Variants in EXOC4 observed in about 807,000 individuals in gnomAD.
EXOC4 encodes the protein exocyst complex component 4.
In EXOC4, 71 loss-of-function variants were observed where a neutral mutation model predicts 107.2. That is an observed-to-expected ratio of 0.66 (90% CI 0.55 to 0.81). The LOEUF (loss-of-function observed/expected upper bound fraction) is 0.81. Among genes scored for constraint, EXOC4 ranks in the 30% least tolerant of loss-of-function variants. The pLI is 0.00. For missense variants in EXOC4, 1,108 were observed against 1,189.6 expected, an observed-to-expected ratio of 0.93 and a Z score of 1.01; for synonymous variants, 456 against 441.2, an observed-to-expected ratio of 1.03 and a Z score of -0.42.
chr7:133,729,906 C>G (rs1279557711), intron 10 of EXOC4, among the ~76,000 whole-genome samples: 2 of 151,712 alleles, frequency 1.3e-5, no homozygotes, highest in Non-Finnish European at 2.9e-5. Flanking sequence ...GTCTCTTGGT[C>G]AAAGGTATAC....
intron 3 of EXOC4, among the ~76,000 whole-genome samples, chr7:133,290,644 AT>A (rs1794383417): frequency 6.6e-6 from 1 of 152,204 alleles, no homozygotes; most frequent in Non-Finnish European, 1.5e-5. Context: ...TTATGTTCAT[AT>A]TAGGATTTCA....
At chr7:133,487,817 A>G (rs1024249969) in intron 9 of EXOC4, among the ~76,000 whole-genome samples, 9 of 152,208 alleles carry the variant, frequency 5.9e-5, no homozygotes, top group Non-Finnish European at 1.3e-4. Context: ...GTTAACTTAT[A>G]TCTCATATTT....
At chr7:133,258,091 CTT>C (rs1005278077) in intron 1 of EXOC4, among the ~76,000 whole-genome samples, 2 of 152,196 alleles carry the variant, frequency 1.3e-5, no homozygotes, top group African/African-American at 4.8e-5. Context: ...TTCTAGCTCT[CTT>C]TGTACCCTGG....
chr7:134,022,744 T>C (rs1360058562), intron 17 of EXOC4, among the ~76,000 whole-genome samples: 1 of 152,190 alleles, frequency 6.6e-6, no homozygotes, highest in African/African-American at 2.4e-5. Flanking sequence ...CCAGACAGAA[T>C]AGTGAGGCCT....
chr7:133,756,605 A>G (rs937243462), intron 10 of EXOC4, among the ~76,000 whole-genome samples: 14 of 152,208 alleles, frequency 9.2e-5, no homozygotes, highest in Admixed American at 5.9e-4. Flanking sequence ...GCCACTCTGC[A>G]CAAACACATA....
At chr7:133,985,235 T>C (rs1469898333) in intron 14 of EXOC4, among the ~76,000 whole-genome samples, 1 of 152,184 alleles carries the variant, frequency 6.6e-6, no homozygotes, top group Non-Finnish European at 1.5e-5. Context: ...TAACAAATGG[T>C]ACCGCATAAA....
At chr7:133,600,211 G>T (rs1394542254) in intron 9 of EXOC4, among the ~76,000 whole-genome samples, 1 of 152,086 alleles carries the variant, frequency 6.6e-6, no homozygotes, top group Non-Finnish European at 1.5e-5. Flanking sequence ...GACTTTTGAG[G>T]TCTTTGAATG....
intron 9 of EXOC4, among the ~76,000 whole-genome samples, chr7:133,587,107 T>G (rs1801423923): frequency 6.6e-6 from 1 of 152,152 alleles, no homozygotes; most frequent in South Asian, 2.1e-4. Context: ...GTGCTGGGAT[T>G]ACAGCAGTGA....
At chr7:133,985,365 A>G (rs750829283) in intron 14 of EXOC4, among the ~76,000 whole-genome samples, 7 of 152,200 alleles carry the variant, frequency 4.6e-5, no homozygotes, top group Admixed American at 1.3e-4. Flanking sequence ...GGCCACAGGT[A>G]AAATCACTCT....
intron 12 of EXOC4, among the ~76,000 whole-genome samples, chr7:133,904,177 G>A (rs555354542): frequency 2.2e-4 from 34 of 152,228 alleles, no homozygotes; most frequent in African/African-American, 7.5e-4. Flanking sequence ...TTTTTAAGTC[G>A]AAGAAATAAG....
intron 10 of EXOC4, among the ~76,000 whole-genome samples, chr7:133,758,321 T>C (rs961047108): frequency 6.6e-6 from 1 of 152,102 alleles, no homozygotes; most frequent in Non-Finnish European, 1.5e-5. Flanking sequence ...GTATTTTTAA[T>C]AGAGATGGGG....
chr7:133,285,366 T>C, intron 2 of EXOC4, among the ~76,000 whole-genome samples: 1 of 152,220 alleles, frequency 6.6e-6, no homozygotes. Flanking sequence ...TGCTGAGATA[T>C]GGTGCATATA....
At chr7:133,809,664 C>T (rs949871616) in intron 10 of EXOC4, among the ~76,000 whole-genome samples, 3 of 152,144 alleles carry the variant, frequency 2.0e-5, no homozygotes, top group African/African-American at 7.2e-5. Flanking sequence ...ATTCCAAGAC[C>T]TCCCAAATAT....
intron 10 of EXOC4, among the ~76,000 whole-genome samples, chr7:133,651,170 C>T (rs1187327073): frequency 6.6e-6 from 1 of 152,090 alleles, no homozygotes; most frequent in Non-Finnish European, 1.5e-5. Flanking sequence ...TTTCTACTCA[C>T]TCCCAGCATT....
At chr7:133,902,833 G>A (rs1250604356) in intron 12 of EXOC4, among the ~76,000 whole-genome samples, 2 of 150,042 alleles carry the variant, frequency 1.3e-5, no homozygotes, top group Admixed American at 6.6e-5. Context: ...CCAGCCTGGC[G>A]ACAGAATGAG....
At chr7:134,098,041 C>T in the EXOC4 span, among the ~76,000 whole-genome samples, 10 of 152,256 alleles carry the variant, frequency 6.6e-5, no homozygotes, top group South Asian at 1.9e-3. Flanking sequence ...AGCACTGTCA[C>T]GAAAGGAGGA....
chr7:133,812,467 T>C lies in EXOC4; in HGVS notation c.1515-4858T>C, dbSNP rs192459978. 2.6e-5 allele frequency among the ~76,000 whole-genome samples: 4 copies of C among 152,246 alleles called. No individual in the cohort carries two copies. In the East Asian group the frequency reaches 7.8e-4, roughly 30 times the overall value. ...GTAAGTGTTCCTCTCTTGACCACTC[T>C]CCTTCTCTAAGTCCCTCCCCTCTGC... is the stretch of plus-strand genomic sequence containing the variant. On this transcript the variant is annotated intron_variant, in intron 10 of 17. Coordinates refer to ENST00000253861, the MANE Select transcript of EXOC4 (RefSeq NM_021807.4).
At chr7:133,836,485 C>T (rs780106986) in intron 11 of EXOC4, among the ~76,000 whole-genome samples, 25 of 152,124 alleles carry the variant, frequency 1.6e-4, no homozygotes, top group Non-Finnish European at 2.9e-4. Context: ...TTAACAGCAC[C>T]GACACTTGTA....
chr7:133,314,850 T>C (rs2150578526), intron 4 of EXOC4, among the ~76,000 whole-genome samples: 1 of 152,362 alleles, frequency 6.6e-6, no homozygotes, highest in Admixed American at 6.5e-5. Flanking sequence ...ATTTAGACAA[T>C]GTATTATATT....
Sources: allele counts gnomAD v4.1 joint callset (sites outside exome capture counted in the v4.1 genomes callset), GRCh38; gene constraint gnomAD v4.1.1; transcripts MANE v1.5; gene names NCBI Gene and HGNC (gene_info 2026-07-23, HGNC 2026-07-21).